DENND1A: variants seen among roughly 807,000 people sequenced by gnomAD.
The protein encoded by DENND1A is DENN domain containing 1A.
In DENND1A, 51 loss-of-function variants were observed where a neutral mutation model predicts 113.7. The observed-to-expected ratio is 0.45, with a 90% CI of 0.36 to 0.57. The LOEUF (loss-of-function observed/expected upper bound fraction) is 0.57, where lower values mean the gene tolerates loss of function less well. Ranked by LOEUF, DENND1A falls within the 20% of genes least tolerant of loss-of-function variation. The pLI is 0.00. For missense variants in DENND1A, 1,258 were observed against 1,395.9 expected, an observed-to-expected ratio of 0.90 and a Z score of 1.57; for synonymous variants, 565 against 570.8, an observed-to-expected ratio of 0.99 and a Z score of 0.14.
chr9:123,536,712 G>A (rs2055808384), intron 13 of DENND1A, among the ~76,000 whole-genome samples: 1 of 152,094 alleles, frequency 6.6e-6, no homozygotes, highest in South Asian at 2.1e-4. Flanking sequence ...TCCACAATGG[G>A]GAGAAACTGC....
chr9:123,450,043 GAAAA>G (rs112846577), intron 18 of DENND1A, among the ~76,000 whole-genome samples: 1 of 119,732 alleles, frequency 8.4e-6, no homozygotes. Context: ...GATAAAAAAA[GAAAA>G]AAAAAAAAAA....
At chr9:123,837,402 C>T (rs1841197360) in intron 2 of DENND1A, among the ~76,000 whole-genome samples, 1 of 152,152 alleles carries the variant, frequency 6.6e-6, no homozygotes, top group Non-Finnish European at 1.5e-5. Context: ...AGTCCTGTTG[C>T]ATTAGCATAA....
chr9:123,447,283 A>G (rs1259189278), intron 18 of DENND1A, among the ~76,000 whole-genome samples: 1 of 152,238 alleles, frequency 6.6e-6, no homozygotes, highest in East Asian at 1.9e-4. Context: ...CTAGAGAAAT[A>G]TGTTATCCAT....
intron 13 of DENND1A, among the ~76,000 whole-genome samples, chr9:123,521,198 G>A (rs574941687): frequency 2.6e-5 from 4 of 152,266 alleles, no homozygotes; most frequent in South Asian, 4.1e-4. Context: ...CCAGTGCACC[G>A]GGTAAGTTTA....
chr9:123,789,192 T>C (rs1325671513), intron 3 of DENND1A, among the ~76,000 whole-genome samples: 3 of 152,050 alleles, frequency 2.0e-5, no homozygotes, highest in African/African-American at 7.2e-5. Context: ...GCTACAGTGA[T>C]TTAATGGTTT....
At chr9:123,383,470 G>GTTA (rs1479830502) in intron 23 of DENND1A, among the ~76,000 whole-genome samples, 185 bp downstream of exon 23, 1 of 152,218 alleles carries the variant, frequency 6.6e-6, no homozygotes, top group Admixed American at 6.5e-5. Context: ...TACCGTCACT[G>GTTA]TTAGGGTGGT....
intron 10 of DENND1A, among the ~76,000 whole-genome samples, chr9:123,629,176 C>T (rs2061369640): frequency 6.6e-6 from 1 of 152,200 alleles, no homozygotes. Context: ...CTGACCTGGA[C>T]TCAATCACTC....
At chr9:123,648,216 A>G (rs1372505467) in intron 9 of DENND1A, among the ~76,000 whole-genome samples, 2 of 152,138 alleles carry the variant, frequency 1.3e-5, no homozygotes, top group Non-Finnish European at 2.9e-5. Context: ...AGTAGCTAGG[A>G]GTACAGGCGC....
chr9:123,629,719 TCAGA>T lies in DENND1A; in HGVS notation c.719+653_719+656del, dbSNP rs1024930902. ...ACAGTGAAATTCTCCTCAAAGAACT[TCAGA>T]CAGTTTAGCGCTGCCTGGCTTGTGC... On this transcript the variant is annotated intron_variant, in intron 10 of 23. Transcript: ENST00000394215. Among the ~76,000 whole-genome samples, 24 of 152,224 alleles carry T rather than the reference TCAGA, an allele frequency of 1.6e-4. 1 individual carries two copies. The highest frequency in any genetic ancestry group is 1.6e-3 in the Admixed American group (24 of 15,288).
At chr9:123,783,307 G>T (rs1831600110) in intron 3 of DENND1A, among the ~76,000 whole-genome samples, 1 of 152,088 alleles carries the variant, frequency 6.6e-6, no homozygotes, top group African/African-American at 2.4e-5. Flanking sequence ...TTTTACCTTT[G>T]TGACTTCTCT....
chr9:123,516,963 T>G (rs1054049116), intron 13 of DENND1A, among the ~76,000 whole-genome samples: 1 of 146,710 alleles, frequency 6.8e-6, no homozygotes, highest in South Asian at 2.1e-4. Context: ...ACTTGTCAAG[T>G]GTCTCAAGGA....
At chr9:123,869,432 A>G (rs556899293) in intron 2 of DENND1A, among the ~76,000 whole-genome samples, 1 of 152,344 alleles carries the variant, frequency 6.6e-6, no homozygotes, top group South Asian at 2.1e-4. Context: ...AGAAATAATC[A>G]TTATTACAGC....
At chr9:123,450,622 C>A in intron 18 of DENND1A, 71 bp downstream of exon 18, 5 of 1,261,972 alleles carry the variant, frequency 4.0e-6, no homozygotes, top group Non-Finnish European at 5.7e-6. Flanking sequence ...TCTATTGATC[C>A]CCTCATACTT....
chr9:123,517,422 C>T (rs1003031133), intron 13 of DENND1A, among the ~76,000 whole-genome samples: 3 of 152,020 alleles, frequency 2.0e-5, no homozygotes, highest in African/African-American at 4.8e-5. Context: ...GAGTTTGAGA[C>T]CAGCCTGGCT....
chr9:123,593,993 C>T (rs759052461), intron 11 of DENND1A, among the ~76,000 whole-genome samples: 1 of 152,212 alleles, frequency 6.6e-6, no homozygotes, highest in African/African-American at 2.4e-5. Flanking sequence ...GATGTGCCAG[C>T]TTCCCCCATC....
rs575816879 is a variant in DENND1A at position 123,660,517 on chromosome 9, C to T, written c.507+6509G>A. Among the ~76,000 whole-genome samples the T allele has an allele frequency of 7.3e-5, 11 of 150,976 alleles. No homozygotes were observed. In the South Asian group the frequency reaches 2.3e-3, roughly 32 times the overall value. Reference sequence around the variant, plus strand: ...AAAAATTAGAAATGATCAGAATTTCCAAGTACCTTAAAATGAAGTTCTTAA... The same window carrying T: ...AAAAATTAGAAATGATCAGAATTTCTAAGTACCTTAAAATGAAGTTCTTAA... On this transcript the variant is annotated intron_variant, in intron 8 of 23. Coordinates refer to ENST00000394215, the MANE Select transcript of DENND1A (RefSeq NM_001352964.2).
chr9:123,744,770 CTTT>C (rs57945475), intron 5 of DENND1A, among the ~76,000 whole-genome samples: 5 of 102,726 alleles, frequency 4.9e-5, no homozygotes, highest in African/African-American at 1.1e-4. Flanking sequence ...TATATTAGCT[CTTT>C]TTTTTTTTTT....
intron 12 of DENND1A, among the ~76,000 whole-genome samples, chr9:123,578,162 TCC>T (rs1480986078): frequency 2.6e-5 from 4 of 152,204 alleles, no homozygotes; most frequent in Admixed American, 6.5e-5. Flanking sequence ...GTAAACCATC[TCC>T]CCTTCAAACT....
At chr9:123,504,986 C>T (rs2052793518) in intron 13 of DENND1A, among the ~76,000 whole-genome samples, 1 of 152,146 alleles carries the variant, frequency 6.6e-6, no homozygotes, top group African/African-American at 2.4e-5. Flanking sequence ...ACACAAGAAC[C>T]CACCCCCCTT....
Sources: allele counts gnomAD v4.1 joint callset (sites outside exome capture counted in the v4.1 genomes callset), GRCh38; gene constraint gnomAD v4.1.1; transcripts MANE v1.5; gene names NCBI Gene and HGNC (gene_info 2026-07-23, HGNC 2026-07-21).